Variants in PLXNA2 observed in about 807,000 individuals in gnomAD.
PLXNA2 encodes plexin A2.
A neutral mutation model predicts 193.5 loss-of-function variants in PLXNA2; 91 were observed. That is an observed-to-expected ratio of 0.47 (90% confidence interval 0.40 to 0.56). The LOEUF is 0.56. PLXNA2 is among the 20% of genes least tolerant of loss of function. The pLI is 0.00. For synonymous variants in PLXNA2, 997 were observed against 1,027.3 expected, an observed-to-expected ratio of 0.97 and a Z score of 0.56; for missense variants, 1,995 against 2,503.2, an observed-to-expected ratio of 0.80 and a Z score of 4.33.
intron 4 of PLXNA2, among the ~76,000 whole-genome samples, chr1:208,117,321 C>T (rs936948936): frequency 7.2e-5 from 11 of 152,260 alleles, no homozygotes; most frequent in South Asian, 2.1e-4. Context: ...GGTAGGCTGG[C>T]GAGCCCGCAG....
chr1:208,058,961 G>A (rs1665528636), intron 13 of PLXNA2, among the ~76,000 whole-genome samples: 2 of 152,184 alleles, frequency 1.3e-5, no homozygotes, highest in African/African-American at 4.8e-5. Context: ...GTGATTCTGA[G>A]GGCCAGTTGC....
At chr1:208,109,373 A>G (rs1403935500) in intron 4 of PLXNA2, among the ~76,000 whole-genome samples, 1 of 151,692 alleles carries the variant, frequency 6.6e-6, no homozygotes, top group Non-Finnish European at 1.5e-5. Flanking sequence ...TCTTTCCCCC[A>G]ATCCAAACCT....
chr1:208,150,374 T>G lies in PLXNA2; in HGVS notation c.1372-7911A>C, dbSNP rs559578543. Among the ~76,000 whole-genome samples, 124 of 152,098 alleles carry G rather than the reference T, an allele frequency of 8.2e-4. 1 individual carries two copies. The highest frequency in any genetic ancestry group is 7.9e-3 in the South Asian group (38 of 4,812). On this transcript the variant is annotated intron_variant, in intron 3 of 31. Transcript: ENST00000367033. ...GGGGTGGGTGGAGCTAACAGCGGGG[T>G]GCATGGGGCTAGAGAGTCCTGGATT...
chr1:208,123,246 C>T (rs1383356707), intron 4 of PLXNA2, among the ~76,000 whole-genome samples: 1 of 152,210 alleles, frequency 6.6e-6, no homozygotes. Context: ...ATGTTAGTAA[C>T]TTCCTAAATT....
At chr1:208,134,223 A>T (rs1668239539) in intron 4 of PLXNA2, among the ~76,000 whole-genome samples, 1 of 152,158 alleles carries the variant, frequency 6.6e-6, no homozygotes, top group Non-Finnish European at 1.5e-5. Context: ...CTCATGTGAA[A>T]ATATTTATTT....
chr1:208,110,036 G>C (rs187109765), intron 4 of PLXNA2, among the ~76,000 whole-genome samples: 1 of 152,322 alleles, frequency 6.6e-6, no homozygotes, highest in Non-Finnish European at 1.5e-5. Context: ...TTTTCTGCCT[G>C]GCAGCCTAGT....
intron 3 of PLXNA2, among the ~76,000 whole-genome samples, chr1:208,182,289 C>A (rs536592500): frequency 6.6e-6 from 1 of 152,060 alleles, no homozygotes; most frequent in South Asian, 2.1e-4. Context: ...AAAAATTAGC[C>A]GGGCATGGTG....
At chr1:208,151,643 A>T (rs530024769) in intron 3 of PLXNA2, among the ~76,000 whole-genome samples, 1 of 152,364 alleles carries the variant, frequency 6.6e-6, no homozygotes, top group East Asian at 1.9e-4. Context: ...TTTATTGAGC[A>T]TCTATTCTAT....
intron 3 of PLXNA2, among the ~76,000 whole-genome samples, chr1:208,166,446 G>C (rs976065068): frequency 6.6e-6 from 1 of 152,220 alleles, no homozygotes; most frequent in African/African-American, 2.4e-5. Flanking sequence ...AATAAGGAAG[G>C]CATTCAAATA....
rs746306691 is a variant in PLXNA2 at position 208,039,944 on chromosome 1, G to C, written c.4353+48C>G. The stretch of plus-strand genomic sequence containing the variant: ...CCCTGTGGCCAGGATCTAAGCAGCA[G>C]TGCCATCCTGCCCTGGACGCTAGGC... On this transcript the variant is annotated intron_variant, in intron 23 of 31. Coordinates refer to ENST00000367033, the MANE Select transcript of PLXNA2 (RefSeq NM_025179.4). 3 of 1,592,618 alleles carry C rather than the reference G, an allele frequency of 1.9e-6. No homozygotes were observed. The African/African-American group carries it at 4.0e-5, about 21-fold the overall frequency.
At chr1:208,240,293 C>A (rs115934806) in intron 1 of PLXNA2, among the ~76,000 whole-genome samples, 1,740 of 152,324 alleles carry the variant, frequency 0.011, 39 homozygotes, top group African/African-American at 0.039. Flanking sequence ...GAGGGCTAAG[C>A]CCAGGAGGAC....
intron 12 of PLXNA2, among the ~76,000 whole-genome samples, chr1:208,069,887 A>G (rs1264338966): frequency 2.0e-5 from 3 of 152,304 alleles, no homozygotes; most frequent in African/African-American, 7.2e-5. Flanking sequence ...ATGAGTAAGG[A>G]ATTGTGCCAG....
intron 9 of PLXNA2, among the ~76,000 whole-genome samples, 156 bp from the exon 10 acceptor site, chr1:208,084,736 C>G (rs1438621862): frequency 6.6e-6 from 1 of 152,230 alleles, no homozygotes; most frequent in Non-Finnish European, 1.5e-5. Flanking sequence ...TGGAATCGCT[C>G]TTAGCTCCTG....
intron 3 of PLXNA2, among the ~76,000 whole-genome samples, chr1:208,190,660 T>G (rs1670150404): frequency 6.6e-6 from 1 of 152,232 alleles, no homozygotes; most frequent in Non-Finnish European, 1.5e-5. Flanking sequence ...TAGCTCTCTT[T>G]GCCCAAGACA....
chr1:208,223,681 A>G (rs1036089298), intron 1 of PLXNA2, among the ~76,000 whole-genome samples: 1 of 152,192 alleles, frequency 6.6e-6, no homozygotes, highest in African/African-American at 2.4e-5. Context: ...CTTGGGGGCT[A>G]TGGTGTCCTC....
At chr1:208,145,535 T>C (rs1668578419) in intron 3 of PLXNA2, among the ~76,000 whole-genome samples, 1 of 152,204 alleles carries the variant, frequency 6.6e-6, no homozygotes, top group African/African-American at 2.4e-5. Flanking sequence ...GCCTGGGCAC[T>C]TGCGTGGATT....
rs1436777479 is a variant in PLXNA2 at position 208,044,286 on chromosome 1, G to C, written c.3874+222C>G. On this transcript the variant is annotated intron_variant, in intron 20 of 31. Transcript: ENST00000367033. This position sits in a 1 kb window ranked among gnomAD's most constrained non-coding sequence, Gnocchi z 4.9. Reference sequence around the variant, plus strand: ...ATGGGTCAGGGCAAAGAAGGGACTAGAACAATGCAATTGGACCTGGGTCCT... The same window carrying C: ...ATGGGTCAGGGCAAAGAAGGGACTACAACAATGCAATTGGACCTGGGTCCT... 1.3e-5 allele frequency among the ~76,000 whole-genome samples: 2 copies of C among 152,236 alleles called. No homozygotes were observed. The highest frequency in any genetic ancestry group is 4.8e-5 in the African/African-American group (2 of 41,460).
At position 208,040,045 on chromosome 1, in the gene PLXNA2, CCA is replaced by C. The variant is rs1269895563; in HGVS notation, c.4298_4299del (p.Val1433GlyfsTer2). On this transcript the variant is annotated frameshift_variant, in exon 23 of 32. Transcript: ENST00000367033. LOFTEE classifies it high-confidence loss of function. ...AACCAATTGGTCAGCATCTTTTCAG[CCA>C]CAGACTCTGTCCTGGGGAAGGGACA... Reference protein sequence around the residue: ...PKLLLRRTESVAEKMLTNWFA... With the variant: ...PKLLLRRTESXAEKMLTNWFA... 6.2e-7 allele frequency: 1 copy of C among 1,614,078 alleles called. No homozygotes were observed. The highest frequency in any genetic ancestry group is 1.1e-5 in the South Asian group (1 of 91,084).
chr1:208,049,350 T>G (rs908768638), intron 17 of PLXNA2, among the ~76,000 whole-genome samples: 1 of 151,890 alleles, frequency 6.6e-6, no homozygotes, highest in African/African-American at 2.4e-5. Flanking sequence ...AACTTACCAT[T>G]CTTGTTCCCA....
Sources: allele counts gnomAD v4.1 joint callset (sites outside exome capture counted in the v4.1 genomes callset), GRCh38; gene constraint gnomAD v4.1.1; non-coding constraint Gnocchi (gnomAD v3.1); transcripts MANE v1.5; gene names NCBI Gene and HGNC (gene_info 2026-07-23, HGNC 2026-07-21).